FBXL2: variants seen among roughly 807,000 people sequenced by gnomAD.
FBXL2 encodes the protein F-box and leucine rich repeat protein 2.
In FBXL2, 38 loss-of-function variants were observed where a neutral mutation model predicts 69.2. The ratio of observed to expected loss-of-function variants is 0.55; its 90% confidence interval spans 0.42 to 0.72. The LOEUF (loss-of-function observed/expected upper bound fraction) is 0.72, where lower values mean the gene tolerates loss of function less well. Ranked by LOEUF, FBXL2 falls within the 30% of genes least tolerant of loss-of-function variation. The probability of loss-of-function intolerance (pLI) is 0.00; values close to 1 mark genes in which losing one functional copy is unlikely to be tolerated. For missense variants in FBXL2, 354 were observed against 520.3 expected, an observed-to-expected ratio of 0.68 and a Z score of 3.11; for synonymous variants, 192 against 201.3, an observed-to-expected ratio of 0.95 and a Z score of 0.39.
In FBXL2 at chr3:33,393,421, G is replaced by A. The variant is rs2043844482; in HGVS notation, n.1214+7693G>A. 4 of 1,611,436 alleles carry A rather than the reference G, an allele frequency of 2.5e-6. No individual in the cohort carries two copies. The African/African-American group carries it at 5.4e-5, about 22-fold the overall frequency. ...CGCAAGTTTTCGAGCAACTTCTGAG[G>A]CAATCATTTCTTCCAAGTAGATTGC... is the stretch of plus-strand genomic sequence containing the variant. On this transcript the variant is annotated intron_variant and non_coding_transcript_variant, in intron 12 of 12. Transcript: ENST00000463736.
rs776195613 is a variant in FBXL2 at position 33,375,260 on chromosome 3, CTT to C, written c.658-25_658-24del. On this transcript the variant is annotated intron_variant, in intron 9 of 14. Transcript: ENST00000484457. ...TTTTGGTATTGCTGGTGTCCTCTGA[CTT>C]TTCTTTCTGTGCTGCTTTTCCTCAG... 5 of 1,604,234 alleles carry C rather than the reference CTT, an allele frequency of 3.1e-6. No homozygotes were observed. In the South Asian group the frequency reaches 5.5e-5, roughly 18 times the overall value.
intron 2 of FBXL2, among the ~76,000 whole-genome samples, chr3:33,351,681 T>A (rs61228060): frequency 1.3e-5 from 2 of 152,066 alleles, no homozygotes; most frequent in African/African-American, 4.8e-5. Context: ...ACAAGAACTC[T>A]TATTCATTGT....
At chr3:33,353,300 A>C (rs1264151624) in intron 2 of FBXL2, among the ~76,000 whole-genome samples, 1 of 152,172 alleles carries the variant, frequency 6.6e-6, no homozygotes, top group African/African-American at 2.4e-5. Context: ...ATGAGTAGAA[A>C]ATTTATATCC....
Position 33,358,853 on chromosome 3 carries a change from A to C in FBXL2, c.66-114A>C, listed in dbSNP as rs72852020. The stretch of plus-strand genomic sequence containing the variant: ...TGCACTTGTATATTTCAGATTGAGG[A>C]ATCTTGAAAAAACTTATGTATCCAG... On this transcript the variant is annotated intron_variant, in intron 2 of 14. Coordinates refer to ENST00000484457, the MANE Select transcript of FBXL2 (RefSeq NM_012157.5). 1,817 of 535,886 alleles carry C rather than the reference A, an allele frequency of 3.4e-3. 30 individuals are homozygous for C. Among genetic ancestry groups the C allele is most frequent in the African/African-American group, 0.032 (1,679 of 51,676 alleles). 33.2% of individuals were successfully genotyped at this position (535,886 alleles called of 1,614,324 possible). A position where few individuals can be genotyped will look rare whatever the true frequency, so the allele number is the denominator to read the frequency against.
chr3:33,417,410 T>C, the FBXL2 span, among the ~76,000 whole-genome samples: 4 of 152,160 alleles, frequency 2.6e-5, no homozygotes. Flanking sequence ...GTGCCTTGCT[T>C]TTTAAACTTA....
intron 12 of FBXL2, among the ~76,000 whole-genome samples, chr3:33,395,344 A>C (rs1166616092): frequency 6.6e-6 from 1 of 151,962 alleles, no homozygotes; most frequent in Admixed American, 6.5e-5. Flanking sequence ...TTTTTTTTAA[A>C]GTTCTGAGCA....
chr3:33,332,080 AAAAT>A (rs1468684982), intron 2 of FBXL2, among the ~76,000 whole-genome samples: 2 of 152,090 alleles, frequency 1.3e-5, no homozygotes, highest in Non-Finnish European at 2.9e-5. Context: ...AGGATTAATA[AAAAT>A]AAATACCTAA....
intron 2 of FBXL2, among the ~76,000 whole-genome samples, chr3:33,339,624 A>G (rs751214295): frequency 8.5e-5 from 13 of 152,184 alleles, no homozygotes; most frequent in Non-Finnish European, 1.8e-4. Flanking sequence ...GGATGACAAA[A>G]TAATTTGTAC....
intron 13 of FBXL2, among the ~76,000 whole-genome samples, chr3:33,382,367 C>A (rs1473494679): frequency 6.6e-6 from 1 of 152,108 alleles, no homozygotes; most frequent in African/African-American, 2.4e-5. Flanking sequence ...TTATCATGAC[C>A]CCGGAAAGGC....
chr3:33,297,785 G>A (rs1272327933), intron 2 of FBXL2, 60 bp downstream of exon 2: 1 of 992,306 alleles, frequency 1.0e-6, no homozygotes, highest in Non-Finnish European at 1.6e-6. Context: ...CAAGTTCCAA[G>A]ACTATCTTCT....
intron 2 of FBXL2, among the ~76,000 whole-genome samples, chr3:33,322,627 A>G (rs2038333239): frequency 6.6e-6 from 1 of 152,174 alleles, no homozygotes; most frequent in Non-Finnish European, 1.5e-5. Flanking sequence ...GTCATTTAGG[A>G]ATGTGTACCT....
chr3:33,377,119 C>T (rs767044754), intron 10 of FBXL2, among the ~76,000 whole-genome samples, 154 bp from the exon 11 acceptor site: 14 of 152,158 alleles, frequency 9.2e-5, no homozygotes, highest in Non-Finnish European at 1.9e-4. Context: ...GATGGAACTT[C>T]GGGGCTTTGG....
At chr3:33,373,511 C>T in intron 7 of FBXL2, 67 bp from the exon 8 acceptor site, 1 of 1,607,828 alleles carries the variant, frequency 6.2e-7, no homozygotes, top group Non-Finnish European at 8.5e-7. Context: ...ATGTACTAAA[C>T]TCAGAGTTGG....
chr3:33,322,872 A>G (rs971559027), intron 2 of FBXL2, among the ~76,000 whole-genome samples: 4 of 152,138 alleles, frequency 2.6e-5, no homozygotes, highest in South Asian at 2.1e-4. Flanking sequence ...GAAGTCTACT[A>G]TGTTTTATTC....
intron 1 of FBXL2, among the ~76,000 whole-genome samples, chr3:33,279,333 C>A (rs1042513262): frequency 6.6e-6 from 1 of 151,192 alleles, no homozygotes; most frequent in Non-Finnish European, 1.5e-5. Flanking sequence ...TGCAGTGGTG[C>A]GATCTCGGCT....
intron 2 of FBXL2, 66 bp downstream of exon 2, chr3:33,297,791 C>T (rs2035875399): frequency 1.2e-5 from 11 of 953,240 alleles, no homozygotes; most frequent in South Asian, 8.5e-5. Context: ...CCAAGACTAT[C>T]TTCTTTCTCA....
intron 1 of FBXL2, among the ~76,000 whole-genome samples, chr3:33,287,747 G>A (rs2034796537): frequency 6.6e-6 from 1 of 152,214 alleles, no homozygotes; most frequent in Admixed American, 6.5e-5. Context: ...CAACCAGTCT[G>A]TTTCCAAAGC....
chr3:33,286,301 C>T (rs1212923458), intron 1 of FBXL2, among the ~76,000 whole-genome samples: 1 of 152,162 alleles, frequency 6.6e-6, no homozygotes, highest in South Asian at 2.1e-4. Flanking sequence ...GCTGGAGGTC[C>T]ACTCCAGACC....
intron 1 of FBXL2, among the ~76,000 whole-genome samples, chr3:33,285,769 C>T (rs1027506081): frequency 2.0e-5 from 3 of 152,180 alleles, no homozygotes; most frequent in Non-Finnish European, 2.9e-5. Flanking sequence ...CTTCTGTTCT[C>T]ACTTCATTTC....
Sources: gnomAD v4.1 joint callset for allele counts (sites outside exome capture counted in the v4.1 genomes callset) on GRCh38, gnomAD v4.1.1 for gene constraint, MANE v1.5 for transcripts, NCBI Gene and HGNC (gene_info 2026-07-23, HGNC 2026-07-21) for gene names.